AMZ2: variants seen among roughly 807,000 people sequenced by gnomAD.
AMZ2 encodes archaemetzincin-2.
In AMZ2, 26 loss-of-function variants were observed where a neutral mutation model predicts 36.7. The ratio of observed to expected loss-of-function variants is 0.71; its 90% CI spans 0.52 to 0.98. The LOEUF is 0.98. Ranked by LOEUF, AMZ2 falls within the 50% of genes least tolerant of loss-of-function variation. AMZ2 has a pLI of 0.00. For synonymous variants in AMZ2, 144 were observed against 149.1 expected (o/e 0.97, Z 0.25); for missense variants, 394 against 430.5 (o/e 0.92, Z 0.75).
intron 1 of AMZ2, among the ~76,000 whole-genome samples, chr17:68,230,690 A>C (rs1483601308): frequency 1.3e-5 from 2 of 152,218 alleles, no homozygotes; most frequent in Non-Finnish European, 2.9e-5. Flanking sequence ...TTTATTAAGA[A>C]GGGAACAGGG....
At chr17:68,212,828 A>C (rs2073102166) in intron 1 of AMZ2, among the ~76,000 whole-genome samples, 2 of 152,134 alleles carry the variant, frequency 1.3e-5, no homozygotes. Context: ...TCAGCCTCCC[A>C]AAGTGCTGGG....
intron 1 of AMZ2, chr17:68,249,165 T>G: frequency 9.6e-7 from 1 of 1,045,096 alleles, no homozygotes; most frequent in African/African-American, 1.7e-5. Flanking sequence ...GCCATAAACT[T>G]CAGTGGCTAA....
At chr17:68,226,170 A>G (rs2073511024) in intron 1 of AMZ2, among the ~76,000 whole-genome samples, 1 of 152,144 alleles carries the variant, frequency 6.6e-6, no homozygotes, top group South Asian at 2.1e-4. Context: ...TAATTCAGTA[A>G]GGCATTCGTA....
At chr17:68,208,288 G>A (rs1482001634) in intron 1 of AMZ2, among the ~76,000 whole-genome samples, 1 of 131,552 alleles carries the variant, frequency 7.6e-6, no homozygotes, top group Non-Finnish European at 1.8e-5. Context: ...GACTCTGGTG[G>A]GGGACTTGAA....
intron 1 of AMZ2, chr17:68,207,149 A>G (rs1354088517): frequency 1.7e-4 from 26 of 152,364 alleles, no homozygotes; most frequent in Non-Finnish European, 2.9e-4. Flanking sequence ...TAAGTCACAC[A>G]GCATCATTAT....
At position 68,255,801 on chromosome 17, in the gene AMZ2, C is replaced by A. The variant is rs544189505; in HGVS notation, c.852C>A (p.Arg284=). The A allele has an allele frequency of 6.2e-7, 1 of 1,614,162 alleles. No homozygotes were observed. The highest frequency in any genetic ancestry group is 1.1e-5 in the South Asian group (1 of 91,090). The stretch of plus-strand genomic sequence containing the variant: ...ACCACTTGGAAGAAGCTGACCGGCG[C>A]CCTCTAAACCTTTGCCCTATCTGTT... ...GSNHLEEADR[R]PLNLCPICLH... Residue 284 remains arginine, a synonymous_variant, in exon 6 of 7, where the codon CGC becomes CGA. Transcript: ENST00000359904.
chr17:68,253,937 G>T (rs1209177734), intron 4 of AMZ2, among the ~76,000 whole-genome samples: 1 of 151,906 alleles, frequency 6.6e-6, no homozygotes, highest in Non-Finnish European at 1.5e-5. Flanking sequence ...TAGAGACAGG[G>T]TTTCACCATG....
In AMZ2 at chr17:68,250,699, G is replaced by A. The variant is rs548277332; in HGVS notation, c.284-95G>A. ...AAAGGTTATTGAAAATTTAGAGTTG[G>A]TTTTGTTTCTAATTTGAATCTTCTT... On this transcript the variant is annotated intron_variant, in intron 2 of 6. Coordinates refer to ENST00000359904, the MANE Select transcript of AMZ2 (RefSeq NM_016627.5). The A allele has an allele frequency of 8.4e-4, 1,092 of 1,293,748 alleles. 3 individuals carry two copies. In the Middle Eastern group the frequency reaches 0.012, roughly 14 times the overall value. The allele number at this position is 1,293,748 out of a possible 1,614,324, so 80.1% of individuals were successfully genotyped here. A position where few individuals can be genotyped will look rare whatever the true frequency, so the allele number is the denominator to read the frequency against.
At chr17:68,230,361 T>A (rs7214736) in intron 1 of AMZ2, among the ~76,000 whole-genome samples, 83,865 of 152,044 alleles carry the variant, frequency 0.55, 24,405 homozygotes, top group African/African-American at 0.75. Flanking sequence ...GGCATGAGCT[T>A]CTGTGTCCGG....
At chr17:68,222,775 G>T (rs1374054574) in intron 1 of AMZ2, among the ~76,000 whole-genome samples, 3 of 152,196 alleles carry the variant, frequency 2.0e-5, no homozygotes, top group Non-Finnish European at 2.9e-5. Context: ...CGGAGCTCAT[G>T]GTAATGCGAG....
chr17:68,218,643 C>T (rs2073264950), intron 1 of AMZ2, among the ~76,000 whole-genome samples: 1 of 152,178 alleles, frequency 6.6e-6, no homozygotes, highest in Admixed American at 6.5e-5. Flanking sequence ...TGTCTGAATT[C>T]CTTCTGTCCA....
chr17:68,216,715 G>T (rs2073203098), intron 1 of AMZ2, among the ~76,000 whole-genome samples: 1 of 152,150 alleles, frequency 6.6e-6, no homozygotes, highest in Admixed American at 6.5e-5. Flanking sequence ...AATGGTTTTT[G>T]TTATATCTGC....
At chr17:68,243,424 T>C (rs1176094485), upstream of AMZ2, among the ~76,000 whole-genome samples, 6 of 152,204 alleles carry the variant, frequency 3.9e-5, no homozygotes, top group African/African-American at 1.2e-4. Context: ...CATGAGCCAC[T>C]GTGCCCAGCT....
intron 1 of AMZ2, among the ~76,000 whole-genome samples, chr17:68,221,207 G>GCCCCCCC (rs1284093591): frequency 5.9e-5 from 1 of 16,912 alleles, no homozygotes; most frequent in Non-Finnish European, 1.2e-4. Flanking sequence ...TCAGCCCTCA[G>GCCCCCCC]CTCCCCCCCC....
chr17:68,213,140 A>C (rs1294908315), intron 1 of AMZ2, among the ~76,000 whole-genome samples: 1 of 152,202 alleles, frequency 6.6e-6, no homozygotes, highest in Non-Finnish European at 1.5e-5. Flanking sequence ...AATTTTAAAA[A>C]CATACGCCAG....
rs528344982 is a variant in AMZ2, at chr17:68,216,958, G to A, written c.-67+10720G>A. On this transcript the variant is annotated intron_variant, in intron 1 of 7. Coordinates refer to the AMZ2 transcript ENST00000674770. The stretch of plus-strand genomic sequence containing the variant: ...TGAAGCAGGAGAATGGTGTGAACCC[G>A]GGAGGTGGAGCTTGCAGTGAGCCGA... Among the ~76,000 whole-genome samples, 7 of 151,998 alleles carry A rather than the reference G, an allele frequency of 4.6e-5. No individual in the cohort carries two copies. In the South Asian group the frequency reaches 8.3e-4, roughly 18 times the overall value.
Position 68,251,138 on chromosome 17 carries a change from C to T in AMZ2, c.546C>T (p.Asp182=). The T allele has an allele frequency of 6.2e-7, 1 of 1,613,812 alleles. No individual in the cohort carries two copies. Among genetic ancestry groups the T allele is most frequent in the South Asian group, 1.1e-5 (1 of 90,932 alleles). Residue 182 remains aspartate (D), a synonymous_variant, in exon 4 of 7, where the codon GAC becomes GAT. Transcript: ENST00000359904. ...CAATGATTGATCTTTACCCAAGAGA[C>T]TCGTGGAATTTTGTCTTTGGACAGG... ...GITMIDLYPR[D]SWNFVFGQAS...
rs2074189497 is a variant in AMZ2 at position 68,248,514 on chromosome 17, C to T, written c.-192C>T. 2.0e-6 allele frequency: 2 copies of T among 986,098 alleles called. No individual in the cohort carries two copies. Among genetic ancestry groups the T allele is most frequent in the Non-Finnish European group, 2.4e-6 (2 of 830,044 alleles). 61.1% of individuals were successfully genotyped at this position (986,098 alleles called of 1,614,324 possible). A position where few individuals can be genotyped will look rare whatever the true frequency, so the allele number is the denominator to read the frequency against. ...AGCCCACTGCAGTGACCGAATTCTG[C>T]GCCCCCTGCCCATCTTCTCCCGCAG... On this transcript the variant is annotated 5_prime_UTR_variant, in exon 1 of 7. Transcript: ENST00000359904.
intron 6 of AMZ2, among the ~76,000 whole-genome samples, 193 bp downstream of exon 6, chr17:68,256,069 T>C (rs1555742761): frequency 6.6e-6 from 1 of 152,232 alleles, no homozygotes; most frequent in African/African-American, 2.4e-5. Context: ...GAGTGATTTA[T>C]GCTTACAGTT....
Sources: allele counts gnomAD v4.1 joint callset (sites outside exome capture counted in the v4.1 genomes callset), GRCh38; gene constraint gnomAD v4.1.1; transcripts MANE v1.5; gene names NCBI Gene and HGNC (gene_info 2026-07-23, HGNC 2026-07-21).